The following PALS2 variants were observed in gnomAD, a reference collection of about 807,000 sequenced individuals.
PALS2 encodes protein associated with LIN7 2, MAGUK p55 family member.
PALS2 carries 27 observed loss-of-function variants against 61.6 expected under a neutral mutation model. The ratio of observed to expected loss-of-function variants is 0.44; its 90% CI spans 0.32 to 0.60. The LOEUF is 0.60. Ranked by LOEUF, PALS2 falls within the 20% of genes least tolerant of loss-of-function variation. The pLI is 0.05. For synonymous variants in PALS2, 236 were observed against 218.6 expected (o/e 1.08, Z -0.70); for missense variants, 554 against 639.4 (o/e 0.87, Z 1.44).
At chr7:24,655,889 A>G (rs192095743) in intron 5 of PALS2, among the ~76,000 whole-genome samples, 25 of 152,204 alleles carry the variant, frequency 1.6e-4, no homozygotes, top group East Asian at 7.7e-4. Context: ...TGTGGCCCTC[A>G]GGTATTTATC....
At chr7:24,589,917 G>T (rs1220965973) in intron 1 of PALS2, among the ~76,000 whole-genome samples, 1 of 152,090 alleles carries the variant, frequency 6.6e-6, no homozygotes, top group African/African-American at 2.4e-5. Flanking sequence ...TGCAATGCAG[G>T]ATTGTCCTGA....
rs755873059 is a variant in PALS2, at chr7:24,619,358, G to A, written c.-2-4308G>A. Among the ~76,000 whole-genome samples, 133 of 152,118 alleles carry A rather than the reference G, an allele frequency of 8.7e-4. 2 individuals carry two copies. The highest frequency in any genetic ancestry group is 2.9e-4 in the Non-Finnish European group (20 of 67,984). ...TTTCATAAGTGATTGGTGATTCATG[G>A]TTTATTCATATTTGTAACTGAAGAG... On this transcript the variant is annotated intron_variant, in intron 1 of 11. Coordinates refer to ENST00000222644, the MANE Select transcript of PALS2 (RefSeq NM_001303037.2).
chr7:24,647,262 TC>T (rs1785888626), intron 3 of PALS2, among the ~76,000 whole-genome samples: 1 of 152,078 alleles, frequency 6.6e-6, no homozygotes, highest in African/African-American at 2.4e-5. Context: ...TTCTCCTGCC[TC>T]AGCCTCCCAA....
chr7:24,667,370 ATGTC>A (rs1787077214), intron 8 of PALS2, among the ~76,000 whole-genome samples: 1 of 152,130 alleles, frequency 6.6e-6, no homozygotes, highest in South Asian at 2.1e-4. Context: ...TTGTCAGTAA[ATGTC>A]AGTATGTTGA....
chr7:24,588,606 A>G lies in PALS2; in HGVS notation c.-3+15013A>G, dbSNP rs1783163893. Reference sequence around the variant, plus strand: ...TTTTAGTATATAAAAAGTTTGAACAACAAGACCCTTAAGGGAAAAACTATC... The same window carrying G: ...TTTTAGTATATAAAAAGTTTGAACAGCAAGACCCTTAAGGGAAAAACTATC... On this transcript the variant is annotated intron_variant, in intron 1 of 11. Transcript: ENST00000222644. Among the ~76,000 whole-genome samples, 3 of 152,318 alleles carry G rather than the reference A, an allele frequency of 2.0e-5. No individual in the cohort carries two copies. In the South Asian group the frequency reaches 6.2e-4, roughly 32 times the overall value.
At chr7:24,652,347 G>C (rs1487210288) in intron 5 of PALS2, among the ~76,000 whole-genome samples, 1 of 152,090 alleles carries the variant, frequency 6.6e-6, no homozygotes, top group Non-Finnish European at 1.5e-5. Flanking sequence ...CATAGATTTT[G>C]CATCTGGTGA....
At chr7:24,658,380 A>G (rs1411356053) in intron 5 of PALS2, among the ~76,000 whole-genome samples, 1 of 152,126 alleles carries the variant, frequency 6.6e-6, no homozygotes, top group East Asian at 1.9e-4. Flanking sequence ...GTCCTTTTCT[A>G]CTAATTCTAG....
intron 1 of PALS2, among the ~76,000 whole-genome samples, chr7:24,613,597 G>A (rs185400258): frequency 2.4e-4 from 37 of 151,832 alleles, no homozygotes; most frequent in Admixed American, 7.2e-4. Context: ...TGTGTTGGGA[G>A]CATTCGAATA....
intron 2 of PALS2, chr7:24,624,139 T>C: frequency 7.7e-7 from 1 of 1,296,052 alleles, no homozygotes; most frequent in Non-Finnish European, 1.0e-6. Context: ...TGCATTAGAC[T>C]GTGTACCTAC....
At chr7:24,640,270 C>T (rs962771080) in intron 2 of PALS2, among the ~76,000 whole-genome samples, 1 of 151,704 alleles carries the variant, frequency 6.6e-6, no homozygotes, top group African/African-American at 2.4e-5. Flanking sequence ...TCTTTAAAAT[C>T]TTGCTTAATA....
chr7:24,577,675 G>A (rs1310801481), intron 1 of PALS2, among the ~76,000 whole-genome samples: 1 of 151,844 alleles, frequency 6.6e-6, no homozygotes, highest in Non-Finnish European at 1.5e-5. Context: ...TGTTCACTCT[G>A]TTGGGAACTC....
At position 24,688,463 on chromosome 7, in the gene PALS2, T is replaced by C. The variant is rs1384088828; in HGVS notation, c.*849T>C. ...AAAGTTTATTTTCACATGTAAAATT[T>C]TGACTGACAAAAGGAACCTACTACT... On this transcript the variant is annotated 3_prime_UTR_variant, in exon 12 of 12. Transcript: ENST00000222644. 1 of 152,148 alleles carries C rather than the reference T, an allele frequency of 6.6e-6. No homozygotes were observed. The highest frequency in any genetic ancestry group is 2.4e-5 in the African/African-American group (1 of 41,436). 9.4% of individuals were successfully genotyped at this position (152,148 alleles called of 1,614,324 possible).
At chr7:24,655,619 GTAGT>G (rs1202097032) in intron 5 of PALS2, among the ~76,000 whole-genome samples, 1 of 145,786 alleles carries the variant, frequency 6.9e-6, no homozygotes, top group African/African-American at 2.5e-5. Flanking sequence ...GCCTAGGTTA[GTAGT>G]TAGTAGATTT....
At chr7:24,612,323 A>G (rs999991686) in intron 1 of PALS2, among the ~76,000 whole-genome samples, 3 of 151,916 alleles carry the variant, frequency 2.0e-5, no homozygotes, top group African/African-American at 7.2e-5. Flanking sequence ...ATAATACTGC[A>G]CTATTTGAAT....
intron 2 of PALS2, among the ~76,000 whole-genome samples, chr7:24,636,796 T>G (rs1785261031): frequency 6.7e-6 from 1 of 150,098 alleles, no homozygotes; most frequent in South Asian, 2.1e-4. Context: ...GTAGAAGTCC[T>G]TCGTAAGTAG....
intron 1 of PALS2, among the ~76,000 whole-genome samples, chr7:24,593,767 C>T (rs1476766428): frequency 6.6e-6 from 1 of 152,004 alleles, no homozygotes; most frequent in African/African-American, 2.4e-5. Context: ...AACCGAAGTG[C>T]TGTCATCAAG....
chr7:24,677,211 G>T (rs927301231), intron 9 of PALS2, among the ~76,000 whole-genome samples: 1 of 151,998 alleles, frequency 6.6e-6, no homozygotes, highest in Non-Finnish European at 1.5e-5. Context: ...TGATTTTTAT[G>T]CATTGATTTT....
intron 11 of PALS2, among the ~76,000 whole-genome samples, chr7:24,686,366 G>A (rs983868045): frequency 6.6e-6 from 1 of 151,982 alleles, no homozygotes; most frequent in Admixed American, 6.6e-5. Flanking sequence ...CATCTCGTAG[G>A]GGTCCTCCAT....
At chr7:24,581,695 TCAA>T (rs1443998656) in intron 1 of PALS2, among the ~76,000 whole-genome samples, 1 of 152,104 alleles carries the variant, frequency 6.6e-6, no homozygotes, top group African/African-American at 2.4e-5. Context: ...GCAGCCCCCC[TCAA>T]CAAGGAGTCA....
Sources: allele counts gnomAD v4.1 joint callset (sites outside exome capture counted in the v4.1 genomes callset), GRCh38; gene constraint gnomAD v4.1.1; transcripts MANE v1.5; gene names NCBI Gene and HGNC (gene_info 2026-07-23, HGNC 2026-07-21).